The following CLEC2L variants were observed in gnomAD, a reference collection of about 807,000 sequenced individuals.
CLEC2L encodes C-type lectin domain family 2 member L, also known as C-type lectin domain family 2, member L.
CLEC2L carries 14 observed loss-of-function variants against 23.6 expected under a neutral mutation model. That is an observed-to-expected ratio of 0.59 (90% CI 0.39 to 0.93). The LOEUF is 0.93. CLEC2L is among the 40% of genes least tolerant of loss of function. The pLI, the probability that CLEC2L is intolerant of heterozygous loss-of-function variation, is 0.00. For missense variants in CLEC2L, 264 were observed against 282.4 expected (o/e 0.93, Z 0.47); for synonymous variants, 114 against 121.3 (o/e 0.94, Z 0.40).
chr7:139,531,299 G>T (rs912493449), intron 1 of CLEC2L, among the ~76,000 whole-genome samples: 6 of 152,116 alleles, frequency 3.9e-5, no homozygotes, highest in Non-Finnish European at 5.9e-5. Context: ...AGAGTTAAGA[G>T]AAAGTATTGC....
intron 1 of CLEC2L, among the ~76,000 whole-genome samples, chr7:139,527,758 T>A (rs564842384): frequency 6.6e-6 from 1 of 152,208 alleles, no homozygotes; most frequent in South Asian, 2.1e-4. Context: ...GCTCACCGAT[T>A]CTGAATTTTT....
intron 1 of CLEC2L, chr7:139,534,341 A>G (rs1797622622): frequency 8.6e-7 from 1 of 1,165,570 alleles, no homozygotes; most frequent in Non-Finnish European, 1.3e-6. Context: ...GGCGTTTGTA[A>G]AATGTATGAA....
At chr7:139,530,478 C>A (rs1424683919) in intron 1 of CLEC2L, among the ~76,000 whole-genome samples, 1 of 152,100 alleles carries the variant, frequency 6.6e-6, no homozygotes, top group Non-Finnish European at 1.5e-5. Context: ...TGTACAGATT[C>A]TCTCCAGCTC....
At position 139,535,564 on chromosome 7, in the gene CLEC2L, C is replaced by A. The variant is rs1296638777; in HGVS notation, c.191-710C>A. On this transcript the variant is annotated intron_variant, in intron 1 of 4. Coordinates refer to ENST00000422142, the MANE Select transcript of CLEC2L (RefSeq NM_001080511.4). ...CACAATTTTTAAAATCCTTAAAATA[C>A]CCTATGTTTAACGTCTAAAAGGGTT... 2.0e-5 allele frequency among the ~76,000 whole-genome samples: 3 copies of A among 152,070 alleles called. No homozygotes were observed. In the East Asian group the frequency reaches 5.8e-4, roughly 29 times the overall value.
chr7:139,540,113 C>T lies in CLEC2L; in HGVS notation c.266-208C>T, dbSNP rs1005007244. 51 of 560,716 alleles carry T rather than the reference C, an allele frequency of 9.1e-5. No homozygotes were observed. In the Admixed American group the frequency reaches 1.4e-3, roughly 15 times the overall value. 34.7% of individuals were successfully genotyped at this position (560,716 alleles called of 1,614,324 possible). On this transcript the variant is annotated intron_variant, in intron 2 of 4. Coordinates refer to ENST00000422142, the MANE Select transcript of CLEC2L (RefSeq NM_001080511.4). The surrounding 1 kb of genome is among the most constrained non-coding windows in gnomAD (Gnocchi z 5.8). ...GGGCTGCCCTGCTGTCACTTCCCGTCGTGATGATGCCCCTGCCAGGCTTCC... is the reference window on the plus strand; with the variant it reads ...GGGCTGCCCTGCTGTCACTTCCCGTTGTGATGATGCCCCTGCCAGGCTTCC...
chr7:139,526,676 C>T (rs2116542436), intron 1 of CLEC2L, among the ~76,000 whole-genome samples: 1 of 152,290 alleles, frequency 6.6e-6, no homozygotes, highest in East Asian at 1.9e-4. Flanking sequence ...TTCCAACTTC[C>T]TGGACCATTT....
chr7:139,544,508 G>C lies in CLEC2L; in HGVS notation c.*166G>C. On this transcript the variant is annotated 3_prime_UTR_variant, in exon 5 of 5. Coordinates refer to ENST00000422142, the MANE Select transcript of CLEC2L (RefSeq NM_001080511.4). ...CCAGGCCCTGGCGCTCTGAGTCCCT[G>C]GTTCCTGGCCTCCTTTGTCTGCAGG... 1 of 600,448 alleles carries C rather than the reference G, an allele frequency of 1.7e-6. No homozygotes were observed. Among genetic ancestry groups the C allele is most frequent in the South Asian group, 2.0e-5 (1 of 50,020 alleles). 37.2% of individuals were successfully genotyped at this position (600,448 alleles called of 1,614,324 possible).
chr7:139,536,258 C>G lies in CLEC2L; in HGVS notation c.191-16C>G. Reference sequence around the variant, plus strand: ...GGATGGGCGGTGGGATGTTGAACCCCTCTCTCTTCTCCTAGACACCACCAC... The same window carrying G: ...GGATGGGCGGTGGGATGTTGAACCCGTCTCTCTTCTCCTAGACACCACCAC... On this transcript the variant is annotated splice_polypyrimidine_tract_variant and intron_variant, in intron 1 of 4. Coordinates refer to ENST00000422142, the MANE Select transcript of CLEC2L (RefSeq NM_001080511.4). 6.5e-7 allele frequency: 1 copy of G among 1,550,356 alleles called. No homozygotes were observed. Among genetic ancestry groups the G allele is most frequent in the Non-Finnish European group, 8.7e-7 (1 of 1,146,072 alleles).
intron 1 of CLEC2L, among the ~76,000 whole-genome samples, chr7:139,532,378 G>A (rs188931383): frequency 6.6e-6 from 1 of 152,284 alleles, no homozygotes; most frequent in African/African-American, 2.4e-5. Context: ...AGTAAACCAA[G>A]GGAGGGGAAG....
chr7:139,524,133 C>T lies in CLEC2L; in HGVS notation c.190+16C>T. 3 of 1,220,200 alleles carry T rather than the reference C, an allele frequency of 2.5e-6. No individual in the cohort carries two copies. The highest frequency in any genetic ancestry group is 3.1e-6 in the Non-Finnish European group (3 of 978,172). 75.6% of individuals were successfully genotyped at this position (1,220,200 alleles called of 1,614,324 possible). On this transcript the variant is annotated intron_variant, in intron 1 of 4. Coordinates refer to ENST00000422142, the MANE Select transcript of CLEC2L (RefSeq NM_001080511.4). ...GCCTTGGAGGGTAAGCGCGGAGCGG[C>T]CTCCCTCTCCTGGCCCAGGGACCCC...
intron 4 of CLEC2L, 42 bp downstream of exon 4, chr7:139,542,163 A>G (rs906296708): frequency 7.1e-6 from 10 of 1,414,280 alleles, no homozygotes; most frequent in Non-Finnish European, 9.8e-6. Context: ...GCTTAGACTG[A>G]GAAAGGCCTG....
At chr7:139,532,292 G>A (rs927963263) in intron 1 of CLEC2L, among the ~76,000 whole-genome samples, 3 of 152,196 alleles carry the variant, frequency 2.0e-5, no homozygotes, top group Admixed American at 2.0e-4. Flanking sequence ...TTGATCCTTG[G>A]ATTTGTGCAG....
chr7:139,525,585 G>T (rs1797495791), intron 1 of CLEC2L, among the ~76,000 whole-genome samples: 1 of 152,140 alleles, frequency 6.6e-6, no homozygotes, highest in South Asian at 2.1e-4. Context: ...CTGTTGGAGT[G>T]GCCCTGTGTT....
chr7:139,527,191 C>T (rs935822075), intron 1 of CLEC2L, among the ~76,000 whole-genome samples: 1 of 152,126 alleles, frequency 6.6e-6, no homozygotes, highest in Non-Finnish European at 1.5e-5. Flanking sequence ...ATGAGGGAGC[C>T]GAGACTGAGA....
Position 139,544,367 on chromosome 7 carries a change from C to T in CLEC2L, c.*25C>T, listed in dbSNP as rs748081698. The T allele has an allele frequency of 2.6e-6, 4 of 1,513,522 alleles. No homozygotes were observed. The highest frequency in any genetic ancestry group is 1.2e-5 in the South Asian group (1 of 86,436). The allele number at this position is 1,513,522 out of a possible 1,614,324, so 93.8% of individuals were successfully genotyped here. ...AGGTGGGTGGGGCCAGAGGTGGCCC[C>T]GCCCCTAGGCCTGTGGGAGGTGTCT... On this transcript the variant is annotated 3_prime_UTR_variant, in exon 5 of 5. Coordinates refer to ENST00000422142, the MANE Select transcript of CLEC2L (RefSeq NM_001080511.4).
chr7:139,536,431 C>A, intron 2 of CLEC2L, 83 bp downstream of exon 2: 2 of 1,213,890 alleles, frequency 1.6e-6, no homozygotes, highest in East Asian at 2.6e-5. Context: ...AAGAAAGATT[C>A]TAGACATTCC....
intron 1 of CLEC2L, among the ~76,000 whole-genome samples, chr7:139,527,087 C>G (rs557809679): frequency 1.5e-4 from 23 of 152,296 alleles, no homozygotes; most frequent in African/African-American, 5.3e-4. Flanking sequence ...CAAGCACCTG[C>G]TACGTGCTGG....
Position 139,540,454 on chromosome 7 carries a change from G to T in CLEC2L, c.399G>T (p.Ala133=). The T allele has an allele frequency of 6.3e-7, 1 of 1,599,912 alleles. No individual in the cohort carries two copies. The highest frequency in any genetic ancestry group is 8.5e-7 in the Non-Finnish European group (1 of 1,173,604). ...TGRQYCHTHE[A]VLAVIQSQKE... ...GGCAGTACTGCCACACCCACGAGGC[G>T]GTGCTGGCTGTGATTCAGAGCCAGA... The change falls in exon 3 of 5, where the codon GCG becomes GCT. Residue 133 remains alanine, a synonymous_variant. Coordinates refer to ENST00000422142, the MANE Select transcript of CLEC2L (RefSeq NM_001080511.4). The surrounding 1 kb of genome is among the most constrained non-coding windows in gnomAD (Gnocchi z 5.8).
intron 1 of CLEC2L, among the ~76,000 whole-genome samples, chr7:139,530,998 GA>G (rs1232080436): frequency 6.6e-6 from 1 of 152,040 alleles, no homozygotes; most frequent in Non-Finnish European, 1.5e-5. Flanking sequence ...CATCCAAGAG[GA>G]AAAACATAAT....
Sources: gnomAD v4.1 joint callset for allele counts (sites outside exome capture counted in the v4.1 genomes callset) on GRCh38, gnomAD v4.1.1 for gene constraint, Gnocchi (gnomAD v3.1) non-coding constraint, MANE v1.5 for transcripts, NCBI Gene and HGNC (gene_info 2026-07-23, HGNC 2026-07-21) for gene names.